The following SETD3 variants were observed in gnomAD, a reference collection of about 807,000 sequenced individuals.
The protein encoded by SETD3 is actin-histidine N-methyltransferase.
Under a neutral mutation model 63.0 loss-of-function variants are expected in SETD3, and 19 were observed. The ratio of observed to expected loss-of-function variants is 0.30; its 90% CI spans 0.21 to 0.44. The LOEUF is 0.44. SETD3 is among the 20% of genes least tolerant of loss of function. SETD3 has a pLI of 1.00. For synonymous variants in SETD3, 286 were observed against 264.1 expected (o/e 1.08, Z -0.80); for missense variants, 587 against 728.5 (o/e 0.81, Z 2.24).
intron 12 of SETD3, 44 bp from the exon 13 acceptor site, chr14:99,399,169 C>A: frequency 1.3e-6 from 2 of 1,570,760 alleles, no homozygotes; most frequent in Non-Finnish European, 8.7e-7. Context: ...TCTAAACCAG[C>A]AAAACTATAG....
At chr14:99,451,192 C>T (rs1475559591) in intron 6 of SETD3, among the ~76,000 whole-genome samples, 2 of 152,168 alleles carry the variant, frequency 1.3e-5, no homozygotes, top group African/African-American at 4.8e-5. Flanking sequence ...ACTGGTCATC[C>T]ATTTCCAAGC....
chr14:99,436,180 G>A (rs1893471016), intron 6 of SETD3, among the ~76,000 whole-genome samples: 4 of 152,156 alleles, frequency 2.6e-5, no homozygotes, highest in South Asian at 2.1e-4. Context: ...CCCTTGACAC[G>A]TGGTGATCAC....
At chr14:99,480,073 G>A (rs1206892357) in intron 1 of SETD3, among the ~76,000 whole-genome samples, 2 of 152,320 alleles carry the variant, frequency 1.3e-5, no homozygotes, top group South Asian at 2.1e-4. Context: ...CTGCGCGTGT[G>A]GAGCACGGCC....
upstream of SETD3, chr14:99,481,170 G>C: frequency 5.4e-6 from 2 of 373,498 alleles, no homozygotes; most frequent in Non-Finnish European, 9.5e-6. Flanking sequence ...AGCAGGTTCG[G>C]TTGCTCCAGA....
intron 6 of SETD3, among the ~76,000 whole-genome samples, chr14:99,415,571 C>T (rs1400586830): frequency 6.6e-6 from 1 of 151,826 alleles, no homozygotes; most frequent in African/African-American, 2.4e-5. Flanking sequence ...CATATAAGTC[C>T]ATGCTCACAG....
chr14:99,433,455 T>G (rs1217025137), intron 6 of SETD3, among the ~76,000 whole-genome samples: 1 of 152,128 alleles, frequency 6.6e-6, no homozygotes, highest in Non-Finnish European at 1.5e-5. Context: ...CTTTTTTTTT[T>G]GAGATGGAGT....
chr14:99,465,240 G>A (rs1352409339), intron 2 of SETD3, among the ~76,000 whole-genome samples: 1 of 152,202 alleles, frequency 6.6e-6, no homozygotes, highest in Non-Finnish European at 1.5e-5. Context: ...CAAGAGGCAC[G>A]CTGGACTCCC....
intron 1 of SETD3, among the ~76,000 whole-genome samples, chr14:99,471,072 C>T (rs1303921872): frequency 6.6e-6 from 1 of 152,204 alleles, no homozygotes; most frequent in Non-Finnish European, 1.5e-5. Context: ...ACCACACTTC[C>T]ACAGCACAGT....
chr14:99,440,600 G>C (rs1893748703), intron 6 of SETD3, among the ~76,000 whole-genome samples: 1 of 152,152 alleles, frequency 6.6e-6, no homozygotes, highest in South Asian at 2.1e-4. Flanking sequence ...GGACTCAGGA[G>C]TGGAACGTGG....
At chr14:99,477,897 T>C (rs1169088332) in intron 1 of SETD3, among the ~76,000 whole-genome samples, 1 of 152,112 alleles carries the variant, frequency 6.6e-6, no homozygotes, top group East Asian at 1.9e-4. Flanking sequence ...ACCTCTCCAA[T>C]TTATGAATAG....
At chr14:99,407,054 A>G (rs1336825444) in intron 8 of SETD3, among the ~76,000 whole-genome samples, 1 of 152,230 alleles carries the variant, frequency 6.6e-6, no homozygotes, top group Non-Finnish European at 1.5e-5. Context: ...TCCATTGGAT[A>G]AAGAATCAGG....
chr14:99,448,831 G>A (rs1894288111), intron 6 of SETD3, among the ~76,000 whole-genome samples: 1 of 152,218 alleles, frequency 6.6e-6, no homozygotes, highest in South Asian at 2.1e-4. Context: ...ATGGCACACA[G>A]GAAGCAGTGG....
chr14:99,399,354 AAAC>A (rs1329041989), intron 12 of SETD3, among the ~76,000 whole-genome samples: 7 of 152,210 alleles, frequency 4.6e-5, no homozygotes, highest in South Asian at 2.1e-4. Context: ...AAATGTTACA[AAAC>A]AAGAAAGAAC....
intron 8 of SETD3, among the ~76,000 whole-genome samples, chr14:99,407,597 A>C (rs972257911): frequency 1.3e-5 from 2 of 152,170 alleles, no homozygotes; most frequent in Non-Finnish European, 2.9e-5. Flanking sequence ...GCACGGCCGA[A>C]TAAGGAGGCG....
intron 1 of SETD3, among the ~76,000 whole-genome samples, chr14:99,477,412 T>C (rs1896027609): frequency 2.6e-5 from 4 of 152,184 alleles, no homozygotes; most frequent in Non-Finnish European, 5.9e-5. Context: ...CTTCTTAATC[T>C]TGCAGATGCT....
At chr14:99,462,455 A>G (rs1358571123) in intron 3 of SETD3, among the ~76,000 whole-genome samples, 1 of 152,208 alleles carries the variant, frequency 6.6e-6, no homozygotes, top group Non-Finnish European at 1.5e-5. Flanking sequence ...GGCATGCTGG[A>G]TATGCGAAGA....
At chr14:99,426,653 C>T (rs1892898792) in intron 6 of SETD3, among the ~76,000 whole-genome samples, 1 of 152,132 alleles carries the variant, frequency 6.6e-6, no homozygotes, top group Non-Finnish European at 1.5e-5. Flanking sequence ...AAGTCATAAT[C>T]GTAGGTTGGA....
intron 11 of SETD3, among the ~76,000 whole-genome samples, chr14:99,400,564 A>G (rs1891336446): frequency 6.6e-6 from 1 of 152,164 alleles, no homozygotes; most frequent in South Asian, 2.1e-4. Flanking sequence ...ATACTTTTTA[A>G]AGACAATCTA....
intron 1 of SETD3, among the ~76,000 whole-genome samples, chr14:99,468,873 G>A (rs567275263): frequency 6.6e-6 from 1 of 152,284 alleles, no homozygotes; most frequent in African/African-American, 2.4e-5. Flanking sequence ...GGCTCCTTGA[G>A]GACATACAGC....
Sources: allele counts gnomAD v4.1 joint callset (sites outside exome capture counted in the v4.1 genomes callset), GRCh38; gene constraint gnomAD v4.1.1; transcripts MANE v1.5; gene names NCBI Gene and HGNC (gene_info 2026-07-23, HGNC 2026-07-21).